Variants in ABCB5 observed in about 807,000 individuals in gnomAD.
The protein encoded by ABCB5 is ATP binding cassette subfamily B member 5.
A neutral mutation model predicts 144.2 loss-of-function variants in ABCB5; 155 were observed. The ratio of observed to expected loss-of-function variants is 1.08; its 90% confidence interval spans 0.94 to 1.23. The LOEUF (loss-of-function observed/expected upper bound fraction) is 1.23. ABCB5 is among the 50% of genes most tolerant of loss of function. ABCB5 has a pLI of 0.00. For synonymous variants in ABCB5, 610 were observed against 528.6 expected, an observed-to-expected ratio of 1.15 and a Z score of -2.11; for missense variants, 1,830 against 1,520.8, an observed-to-expected ratio of 1.20 and a Z score of -3.38.
At chr7:20,628,158 A>G (rs879800702) in intron 3 of ABCB5, among the ~76,000 whole-genome samples, 1 of 148,742 alleles carries the variant, frequency 6.7e-6, no homozygotes, top group Admixed American at 6.7e-5. Flanking sequence ...TCCCTCCCCC[A>G]GCCTCCCACC....
chr7:20,685,982 G>A, intron 16 of ABCB5, 146 bp downstream of exon 16: 1 of 854,730 alleles, frequency 1.2e-6, no homozygotes, highest in Non-Finnish European at 1.7e-6. Context: ...TTTCACTCTA[G>A]CATCAGTGTG....
At chr7:20,751,197 A>C (rs1782917273) in intron 26 of ABCB5, among the ~76,000 whole-genome samples, 1 of 152,194 alleles carries the variant, frequency 6.6e-6, no homozygotes, top group African/African-American at 2.4e-5. Context: ...TCACCATCCC[A>C]GTGATTGCCA....
intron 26 of ABCB5, among the ~76,000 whole-genome samples, chr7:20,747,173 G>A (rs768125087): frequency 1.3e-5 from 2 of 152,200 alleles, no homozygotes; most frequent in African/African-American, 2.4e-5. Flanking sequence ...GACACTCACT[G>A]CATTGTTAAT....
In ABCB5 at chr7:20,734,830, G is replaced by A. The variant is rs544594853; in HGVS notation, c.2868-4153G>A. ...CTTGTTTAGGTTCTCATGCACCCAT[G>A]TGTAGTAAAACACTCACCTCTCCCT... is the stretch of plus-strand genomic sequence containing the variant. On this transcript the variant is annotated intron_variant, in intron 23 of 27. Transcript: ENST00000404938. Among the ~76,000 whole-genome samples the A allele has an allele frequency of 8.1e-4, 124 of 152,272 alleles. 1 individual carries two copies. The highest frequency in any genetic ancestry group is 2.8e-3 in the African/African-American group (116 of 41,544).
At chr7:20,655,416 T>C (rs974562388) in intron 13 of ABCB5, among the ~76,000 whole-genome samples, 142 of 152,226 alleles carry the variant, frequency 9.3e-4, no homozygotes, top group African/African-American at 3.3e-3. Flanking sequence ...AAGGTTGCAG[T>C]GAGCTGAGAT....
At chr7:20,692,397 C>T (rs2190409) in intron 16 of ABCB5, among the ~76,000 whole-genome samples, 125,353 of 151,576 alleles carry the variant, frequency 0.83, 51,962 homozygotes, top group South Asian at 0.89. Flanking sequence ...GAAAAATGCC[C>T]AATAAAAAGG....
chr7:20,635,452 T>C (rs1362353764), intron 5 of ABCB5, among the ~76,000 whole-genome samples: 3 of 151,748 alleles, frequency 2.0e-5, no homozygotes, highest in Admixed American at 6.6e-5. Context: ...AAAAATGACA[T>C]TGGCATTTTG....
chr7:20,660,727 TTA>T (rs1003306458), intron 14 of ABCB5, among the ~76,000 whole-genome samples: 2 of 152,132 alleles, frequency 1.3e-5, no homozygotes, highest in African/African-American at 4.8e-5. Context: ...ACCCACACAG[TTA>T]ACAGTTTTAT....
chr7:20,748,650 C>CA (rs71020682), intron 26 of ABCB5, among the ~76,000 whole-genome samples: 72 of 59,080 alleles, frequency 1.2e-3, no homozygotes, highest in African/African-American at 2.8e-3. Context: ...GACTCCATCT[C>CA]AAAAAAAAAA....
Position 20,675,207 on chromosome 7 carries a change from C to A in ABCB5, c.1708-6298C>A, listed in dbSNP as rs371123044. Among the ~76,000 whole-genome samples the A allele has an allele frequency of 3.6e-4, 55 of 152,070 alleles. No individual in the cohort carries two copies. In the East Asian group the frequency reaches 8.7e-3, roughly 24 times the overall value. Reference sequence around the variant, plus strand: ...TCCAAATCAATCTTGAGAAGAAAAACAAAGCTGAAGGCATCACACTTCCTG... The same window carrying A: ...TCCAAATCAATCTTGAGAAGAAAAAAAAAGCTGAAGGCATCACACTTCCTG... On this transcript the variant is annotated intron_variant, in intron 14 of 27. Coordinates refer to ENST00000404938, the MANE Select transcript of ABCB5 (RefSeq NM_001163941.2).
chr7:20,625,075 G>C (rs140854066), intron 2 of ABCB5, among the ~76,000 whole-genome samples: 23 of 152,348 alleles, frequency 1.5e-4, no homozygotes, highest in African/African-American at 5.5e-4. Context: ...ATCAAGAGAA[G>C]AGGGTTTACT....
chr7:20,680,369 T>G (rs1198214022), intron 14 of ABCB5, among the ~76,000 whole-genome samples: 1 of 151,990 alleles, frequency 6.6e-6, no homozygotes, highest in African/African-American at 2.4e-5. Flanking sequence ...CCATCCTGGC[T>G]AACACGGTGA....
intron 1 of ABCB5, among the ~76,000 whole-genome samples, chr7:20,620,927 AC>A (rs1339214015): frequency 2.2e-4 from 33 of 152,274 alleles, no homozygotes; most frequent in African/African-American, 7.7e-4. Context: ...GGATACTCAA[AC>A]AAATACTTCT....
Position 20,728,463 on chromosome 7 carries a change from G to C in ABCB5, c.2867+8G>C, listed in dbSNP as rs532906749. On this transcript the variant is annotated splice_region_variant and intron_variant, in intron 23 of 27. Coordinates refer to ENST00000404938, the MANE Select transcript of ABCB5 (RefSeq NM_001163941.2). ...CCCAGAGGGCATGTTCATGTAAGTC[G>C]TGGAAATAGTCCGGACCTGGTAGCT... The C allele has an allele frequency of 3.1e-6, 5 of 1,613,474 alleles. No individual in the cohort carries two copies. Among genetic ancestry groups the C allele is most frequent in the East Asian group, 4.5e-5 (2 of 44,874 alleles).
chr7:20,736,310 C>T (rs552272910), intron 23 of ABCB5, among the ~76,000 whole-genome samples: 5 of 152,224 alleles, frequency 3.3e-5, no homozygotes, highest in Admixed American at 6.5e-5. Flanking sequence ...CTCCACCTCC[C>T]GGGTTCAAGC....
intron 14 of ABCB5, 151 bp downstream of exon 14, chr7:20,658,827 T>C: frequency 9.4e-7 from 1 of 1,065,006 alleles, no homozygotes. Context: ...ACTTACGTGA[T>C]GGCTATAGGA....
At chr7:20,730,814 T>C (rs1045946185) in intron 23 of ABCB5, among the ~76,000 whole-genome samples, 4 of 152,204 alleles carry the variant, frequency 2.6e-5, no homozygotes, top group African/African-American at 9.7e-5. Flanking sequence ...TGCAAGCCAA[T>C]AGTTTGAAAC....
chr7:20,641,028 G>A (rs1411900329), intron 5 of ABCB5, among the ~76,000 whole-genome samples: 2 of 152,070 alleles, frequency 1.3e-5, no homozygotes, highest in African/African-American at 2.4e-5. Context: ...CTGCCTATAA[G>A]TTACTGCTTT....
chr7:20,653,860 G>A (rs781530585), intron 13 of ABCB5, among the ~76,000 whole-genome samples: 4 of 152,166 alleles, frequency 2.6e-5, no homozygotes, highest in Non-Finnish European at 5.9e-5. Context: ...GCAGTGCTGC[G>A]GGGGCGTTGA....
Sources: allele counts gnomAD v4.1 joint callset (sites outside exome capture counted in the v4.1 genomes callset), GRCh38; gene constraint gnomAD v4.1.1; transcripts MANE v1.5; gene names NCBI Gene and HGNC (gene_info 2026-07-23, HGNC 2026-07-21).